UNC5C: variants seen among roughly 807,000 people sequenced by gnomAD.
UNC5C encodes the protein netrin receptor UNC5C.
In UNC5C, 47 loss-of-function variants were observed where a neutral mutation model predicts 99.8. The ratio of observed to expected loss-of-function variants is 0.47; its 90% CI spans 0.37 to 0.60. The LOEUF is 0.60. Ranked by LOEUF, UNC5C falls within the 20% of genes least tolerant of loss-of-function variation. The probability of loss-of-function intolerance (pLI) is 0.00; values close to 1 mark genes in which losing one functional copy is unlikely to be tolerated. For missense variants in UNC5C, 1,062 were observed against 1,165.9 expected (o/e 0.91, Z 1.30); for synonymous variants, 487 against 452.2 (o/e 1.08, Z -0.98).
At chr4:95,545,026 G>C (rs1360703929) in intron 1 of UNC5C, among the ~76,000 whole-genome samples, 1 of 152,208 alleles carries the variant, frequency 6.6e-6, no homozygotes, top group Non-Finnish European at 1.5e-5. Context: ...TTATGTTTAA[G>C]TCTCAACAAT....
chr4:95,175,130 T>G (rs1196760122), intron 14 of UNC5C, among the ~76,000 whole-genome samples: 3 of 152,146 alleles, frequency 2.0e-5, no homozygotes, highest in Middle Eastern at 3.4e-3. Context: ...TTTGAGCCTA[T>G]GTGTGTCTCT....
At chr4:95,481,337 C>G (rs1175608975) in intron 1 of UNC5C, among the ~76,000 whole-genome samples, 1 of 151,924 alleles carries the variant, frequency 6.6e-6, no homozygotes, top group Admixed American at 6.6e-5. Context: ...GAACTACAAA[C>G]CACTGCTCAA....
intron 1 of UNC5C, among the ~76,000 whole-genome samples, chr4:95,503,942 T>C (rs1164984766): frequency 2.0e-5 from 3 of 152,140 alleles, no homozygotes; most frequent in Non-Finnish European, 2.9e-5. Context: ...TTTTCTTCTC[T>C]TTCACCACAG....
chr4:95,494,321 A>T (rs1473295257), intron 1 of UNC5C, among the ~76,000 whole-genome samples: 2 of 151,544 alleles, frequency 1.3e-5, no homozygotes, highest in Non-Finnish European at 3.0e-5. Context: ...AAAGATATTC[A>T]ACTGGCTTAT....
chr4:95,412,752 G>A (rs1406520391), intron 1 of UNC5C, among the ~76,000 whole-genome samples: 1 of 152,148 alleles, frequency 6.6e-6, no homozygotes, highest in Non-Finnish European at 1.5e-5. Flanking sequence ...AACACAATGA[G>A]TCACCAACTG....
intron 7 of UNC5C, among the ~76,000 whole-genome samples, chr4:95,239,467 A>G (rs990056785): frequency 6.6e-6 from 1 of 152,124 alleles, no homozygotes; most frequent in African/African-American, 2.4e-5. Context: ...TCTAGGTCTC[A>G]CAAAGCCAGG....
chr4:95,185,227 G>A (rs370339881), intron 12 of UNC5C, 31 bp from the exon 13 acceptor site: 39 of 1,574,482 alleles, frequency 2.5e-5, no homozygotes, highest in African/African-American at 1.9e-4. Context: ...CCCAAAGCAC[G>A]TTATTGATTT....
intron 10 of UNC5C, among the ~76,000 whole-genome samples, chr4:95,211,521 C>T (rs1352198556): frequency 6.6e-6 from 1 of 152,108 alleles, no homozygotes; most frequent in Non-Finnish European, 1.5e-5. Context: ...ACTGCATTAG[C>T]AAAATGTCTT....
At chr4:95,508,514 C>G (rs921047052) in intron 1 of UNC5C, among the ~76,000 whole-genome samples, 2 of 152,096 alleles carry the variant, frequency 1.3e-5, no homozygotes, top group African/African-American at 4.8e-5. Flanking sequence ...TATGAATTCT[C>G]TGCTCCAGAC....
In UNC5C at chr4:95,185,112, G is replaced by A; in HGVS notation, c.2221C>T (p.Leu741=). 2.5e-6 allele frequency: 4 copies of A among 1,614,090 alleles called. No homozygotes were observed. In the Middle Eastern group the frequency reaches 6.6e-4, roughly 266 times the overall value. Residue 741 remains leucine (L), a synonymous_variant, in exon 13 of 16, where the codon CTG becomes TTG. Coordinates refer to ENST00000453304, the MANE Select transcript of UNC5C (RefSeq NM_003728.4). The stretch of plus-strand genomic sequence containing the variant: ...GCGATATCGTGAATTGACAGGCGCA[G>A]GTTGTGGGTGCTGCCTTTAAAATGA... ...ALHFKGSTHN[L]RLSIHDIAHS... is the part of the protein sequence containing the mutation.
At chr4:95,193,164 C>T (rs942250162) in intron 12 of UNC5C, among the ~76,000 whole-genome samples, 1 of 152,162 alleles carries the variant, frequency 6.6e-6, no homozygotes, top group African/African-American at 2.4e-5. Flanking sequence ...AACACAGAAC[C>T]ATGCATTGGC....
At chr4:95,316,308 T>C (rs1480392264) in intron 2 of UNC5C, among the ~76,000 whole-genome samples, 1 of 152,062 alleles carries the variant, frequency 6.6e-6, no homozygotes, top group Non-Finnish European at 1.5e-5. Context: ...AAGGAAATAA[T>C]AAATAAAGAT....
intron 1 of UNC5C, among the ~76,000 whole-genome samples, chr4:95,480,343 G>C (rs1021341358): frequency 1.3e-5 from 2 of 151,660 alleles, no homozygotes; most frequent in Admixed American, 6.6e-5. Flanking sequence ...ATGACTAATA[G>C]GGCTTTAGTT....
chr4:95,387,355 G>T (rs1327241139), intron 1 of UNC5C, among the ~76,000 whole-genome samples: 2 of 152,090 alleles, frequency 1.3e-5, no homozygotes, highest in Non-Finnish European at 2.9e-5. Context: ...GCCCAGGCTG[G>T]TCTCGATGAC....
At chr4:95,475,045 C>T (rs942155245) in intron 1 of UNC5C, among the ~76,000 whole-genome samples, 4 of 152,072 alleles carry the variant, frequency 2.6e-5, no homozygotes, top group African/African-American at 9.7e-5. Context: ...CCCAGAGAGC[C>T]CACTTGCCAG....
intron 1 of UNC5C, among the ~76,000 whole-genome samples, chr4:95,388,701 T>C (rs1331693774): frequency 6.6e-6 from 1 of 152,212 alleles, no homozygotes; most frequent in Non-Finnish European, 1.5e-5. Context: ...GGACATATTA[T>C]CATTTAATTC....
At chr4:95,195,445 A>G (rs1737341082) in intron 12 of UNC5C, among the ~76,000 whole-genome samples, 1 of 152,228 alleles carries the variant, frequency 6.6e-6, no homozygotes, top group African/African-American at 2.4e-5. Context: ...CAGGATCCTG[A>G]AAGTATACAG....
chr4:95,226,779 A>G (rs1277166974), intron 7 of UNC5C, among the ~76,000 whole-genome samples: 2 of 152,266 alleles, frequency 1.3e-5, no homozygotes, highest in East Asian at 3.9e-4. Flanking sequence ...ACCAAGAGTG[A>G]TGCAATTTCT....
intron 1 of UNC5C, among the ~76,000 whole-genome samples, chr4:95,381,431 T>G (rs1745068720): frequency 6.6e-6 from 1 of 152,140 alleles, no homozygotes; most frequent in Admixed American, 6.6e-5. Context: ...GGGCAACAAC[T>G]CCTATTTGTG....
Sources: gnomAD v4.1 joint callset for allele counts (sites outside exome capture counted in the v4.1 genomes callset) on GRCh38, gnomAD v4.1.1 for gene constraint, MANE v1.5 for transcripts, NCBI Gene and HGNC (gene_info 2026-07-23, HGNC 2026-07-21) for gene names.